RGS6: variants seen among roughly 807,000 people sequenced by gnomAD.
RGS6 encodes regulator of G-protein signaling 6.
Under a neutral mutation model 78.5 loss-of-function variants are expected in RGS6, and 30 were observed. The ratio of observed to expected loss-of-function variants is 0.38; its 90% CI spans 0.29 to 0.52. The LOEUF (loss-of-function observed/expected upper bound fraction) is 0.52. Ranked by LOEUF, RGS6 falls within the 20% of genes least tolerant of loss-of-function variation. The probability of loss-of-function intolerance (pLI) is 0.85; values close to 1 mark genes in which losing one functional copy is unlikely to be tolerated. For synonymous variants in RGS6, 206 were observed against 206.0 expected (o/e 1.00, Z 0.00); for missense variants, 495 against 609.7 (o/e 0.81, Z 1.98).
chr14:72,262,345 G>A (rs2058313733), intron 2 of RGS6, among the ~76,000 whole-genome samples: 1 of 152,182 alleles, frequency 6.6e-6, no homozygotes, highest in Non-Finnish European at 1.5e-5. Flanking sequence ...TCAAGGTGGA[G>A]GCCTCTCTTC....
chr14:72,120,372 G>A (rs2096016244), intron 2 of RGS6, among the ~76,000 whole-genome samples: 1 of 152,234 alleles, frequency 6.6e-6, no homozygotes, highest in African/African-American at 2.4e-5. Context: ...ATGATGGGAA[G>A]AGTCTTGATT....
At chr14:72,602,312 G>A in the RGS6 span, among the ~76,000 whole-genome samples, 2 of 152,172 alleles carry the variant, frequency 1.3e-5, no homozygotes, top group East Asian at 3.8e-4. Flanking sequence ...CATGGTCGAC[G>A]AGAGGATGGT....
chr14:72,401,407 C>G (rs1436228193), intron 3 of RGS6, among the ~76,000 whole-genome samples: 3 of 151,872 alleles, frequency 2.0e-5, no homozygotes, highest in Non-Finnish European at 4.4e-5. Context: ...ACAAGCCTCA[C>G]TGTTGTGACA....
At chr14:72,626,068 C>T in the RGS6 span, among the ~76,000 whole-genome samples, 3 of 152,150 alleles carry the variant, frequency 2.0e-5, no homozygotes, top group South Asian at 2.1e-4. Flanking sequence ...CCTCACTCTT[C>T]GGTATAGTTA....
intron 3 of RGS6, among the ~76,000 whole-genome samples, chr14:72,417,030 C>G (rs1401354726): frequency 6.6e-6 from 1 of 152,176 alleles, no homozygotes; most frequent in Non-Finnish European, 1.5e-5. Flanking sequence ...CCGTCCCTGT[C>G]ACTGTTGCTG....
At chr14:72,000,404 GC>G (rs1171718242) in intron 2 of RGS6, among the ~76,000 whole-genome samples, 3 of 152,100 alleles carry the variant, frequency 2.0e-5, no homozygotes, top group Non-Finnish European at 4.4e-5. Context: ...AAAGTAATGG[GC>G]CCCATCTTGG....
chr14:72,144,977 A>T (rs2096588967), intron 2 of RGS6, among the ~76,000 whole-genome samples: 1 of 151,980 alleles, frequency 6.6e-6, no homozygotes, highest in African/African-American at 2.4e-5. Flanking sequence ...GGAAGCGAGG[A>T]GTGATGATTG....
chr14:72,350,161 G>A (rs954222079), intron 2 of RGS6, among the ~76,000 whole-genome samples: 1 of 152,144 alleles, frequency 6.6e-6, no homozygotes, highest in Non-Finnish European at 1.5e-5. Context: ...GTCTTTTCTA[G>A]CATAATACTC....
intron 2 of RGS6, among the ~76,000 whole-genome samples, chr14:72,348,600 A>G (rs1040511190): frequency 3.3e-5 from 5 of 152,232 alleles, no homozygotes; most frequent in African/African-American, 9.6e-5. Flanking sequence ...AACAATGTCA[A>G]AAATTTGTCT....
chr14:72,624,640 C>G, the RGS6 span, among the ~76,000 whole-genome samples: 1 of 152,134 alleles, frequency 6.6e-6, no homozygotes, highest in African/African-American at 2.4e-5. Flanking sequence ...CGCCCGGCCC[C>G]CAACCTATGT....
chr14:72,514,908 C>G (rs867493787), intron 14 of RGS6, among the ~76,000 whole-genome samples: 1 of 152,234 alleles, frequency 6.6e-6, no homozygotes, highest in Non-Finnish European at 1.5e-5. Flanking sequence ...CAGAGAGGAG[C>G]TGCTGTGGCT....
chr14:72,448,507 A>G (rs2095420410), intron 3 of RGS6, among the ~76,000 whole-genome samples: 1 of 137,122 alleles, frequency 7.3e-6, no homozygotes, highest in African/African-American at 2.5e-5. Flanking sequence ...ATTAAGGCAT[A>G]AAAGAAAAAA....
intron 2 of RGS6, among the ~76,000 whole-genome samples, chr14:72,032,148 G>A (rs973700249): frequency 1.3e-5 from 2 of 151,992 alleles, no homozygotes; most frequent in Non-Finnish European, 2.9e-5. Flanking sequence ...TCTGCTAACC[G>A]TTACATAATA....
the RGS6 span, among the ~76,000 whole-genome samples, chr14:72,614,445 A>C: frequency 6.6e-6 from 1 of 152,126 alleles, no homozygotes; most frequent in Non-Finnish European, 1.5e-5. Context: ...AGGGGAGAGG[A>C]GCAGGATGGC....
chr14:72,387,973 C>G (rs1016123826), intron 3 of RGS6, among the ~76,000 whole-genome samples: 1 of 152,272 alleles, frequency 6.6e-6, no homozygotes, highest in African/African-American at 2.4e-5. Context: ...TGTGGGGACA[C>G]CAGTCATACT....
At chr14:72,147,835 T>G (rs1224720077) in intron 2 of RGS6, among the ~76,000 whole-genome samples, 1 of 151,894 alleles carries the variant, frequency 6.6e-6, no homozygotes, top group Non-Finnish European at 1.5e-5. Context: ...TATAACCACT[T>G]TAAAAATTTG....
At chr14:72,609,887 A>C in the RGS6 span, among the ~76,000 whole-genome samples, 73,030 of 152,108 alleles carry the variant, frequency 0.48, 18,181 homozygotes, top group East Asian at 0.83. Context: ...CTGAAGTACC[A>C]AAGCAGCCCA....
At chr14:72,222,355 C>T (rs1032527385) in intron 2 of RGS6, among the ~76,000 whole-genome samples, 1 of 152,212 alleles carries the variant, frequency 6.6e-6, no homozygotes, top group Non-Finnish European at 1.5e-5. Flanking sequence ...TTTTTAGCTT[C>T]TCCTTGAACC....
intron 2 of RGS6, among the ~76,000 whole-genome samples, chr14:71,978,995 A>G (rs1271325751): frequency 2.0e-5 from 3 of 149,076 alleles, no homozygotes; most frequent in Non-Finnish European, 3.0e-5. Context: ...GTCTTAGGAG[A>G]GTGTATGTGT....
Sources: gnomAD v4.1 joint callset for allele counts (sites outside exome capture counted in the v4.1 genomes callset) on GRCh38, gnomAD v4.1.1 for gene constraint, MANE v1.5 for transcripts, NCBI Gene and HGNC (gene_info 2026-07-23, HGNC 2026-07-21) for gene names.